Variants in MMP28 observed in about 807,000 individuals in gnomAD.
MMP28 encodes the protein matrix metalloproteinase-28.
In MMP28, 55 loss-of-function variants were observed where a neutral mutation model predicts 60.5. That is an observed-to-expected ratio of 0.91 (90% CI 0.73 to 1.14). MMP28 has a LOEUF of 1.14. Among genes scored for constraint, MMP28 ranks in the 50% most tolerant of loss-of-function variants. MMP28 has a pLI of 0.00. For synonymous variants in MMP28, 318 were observed against 312.5 expected, an observed-to-expected ratio of 1.02 and a Z score of -0.18; for missense variants, 686 against 738.3, an observed-to-expected ratio of 0.93 and a Z score of 0.82.
At chr17:35,774,074 T>C (rs1310730433) in intron 3 of MMP28, among the ~76,000 whole-genome samples, 3 of 152,168 alleles carry the variant, frequency 2.0e-5, no homozygotes, top group African/African-American at 7.2e-5. Context: ...GAACAAAGCG[T>C]GTGTTTTGTC....
At position 35,766,575 on chromosome 17, in the gene MMP28, G is replaced by A; in HGVS notation, c.1488C>T (p.Thr496=). ...WRLDQAKLQA[T]TSGRWATELP... ...GCTCGGTGGCCCAGCGGCCCGAGGT[G>A]GTTGCCTGCAGTTTGGCCTGGTCGA... Residue 496 remains threonine, a synonymous_variant, in exon 8 of 8, where the codon ACC becomes ACT. Transcript: ENST00000605424. This position sits in a 1 kb window ranked among gnomAD's most constrained non-coding sequence, Gnocchi z 4.3. The A allele has an allele frequency of 6.2e-7, 1 of 1,612,030 alleles. No homozygotes were observed. Among genetic ancestry groups the A allele is most frequent in the Non-Finnish European group, 8.5e-7 (1 of 1,179,600 alleles).
intron 3 of MMP28, among the ~76,000 whole-genome samples, chr17:35,774,658 T>C (rs1555607106): frequency 6.6e-6 from 1 of 152,052 alleles, no homozygotes; most frequent in South Asian, 2.1e-4. Flanking sequence ...GTACATCCCT[T>C]CTCCCACCCC....
At chr17:35,773,672 G>C (rs1052742881) in intron 3 of MMP28, among the ~76,000 whole-genome samples, 3 of 152,208 alleles carry the variant, frequency 2.0e-5, no homozygotes, top group African/African-American at 4.8e-5. Context: ...GTGTTGGAGG[G>C]GAAGCAGCCT....
chr17:35,774,833 A>C (rs2086277302), intron 3 of MMP28, among the ~76,000 whole-genome samples: 1 of 152,234 alleles, frequency 6.6e-6, no homozygotes. Context: ...CCTGGGGTCC[A>C]GAGGTGCGGC....
intron 7 of MMP28, 138 bp downstream of exon 7, chr17:35,767,614 G>T: frequency 9.7e-7 from 1 of 1,033,762 alleles, no homozygotes; most frequent in Non-Finnish European, 1.4e-6. Flanking sequence ...CTTCCCTGGG[G>T]TCACAGGTTC....
At chr17:35,760,909 G>C, downstream of MMP28, 1 of 1,613,216 alleles carries the variant, frequency 6.2e-7, no homozygotes. Context: ...CCCAGTCTCT[G>C]ATCAGGGAAA....
In MMP28 at chr17:35,770,056, CG is replaced by C; in HGVS notation, c.850+10del. 6.5e-7 allele frequency: 1 copy of C among 1,545,360 alleles called. No individual in the cohort carries two copies. Among genetic ancestry groups the C allele is most frequent in the Non-Finnish European group, 8.7e-7 (1 of 1,145,936 alleles). On this transcript the variant is annotated intron_variant, in intron 5 of 7. Transcript: ENST00000605424. ...GTGGGACCAAGAGCGGGGCATGTCC[CG>C]GGGCCTCACCATACAGGCTCTGCAC...
intron 7 of MMP28, 27 bp downstream of exon 7, chr17:35,767,725 T>G (rs934697723): frequency 1.3e-6 from 2 of 1,550,824 alleles, no homozygotes; most frequent in African/African-American, 1.4e-5. Context: ...TAGGGCTCAG[T>G]TTTCCCCGCT....
At chr17:35,778,854 A>G (rs769951534) in intron 3 of MMP28, 34 bp downstream of exon 3, 1 of 1,614,050 alleles carries the variant, frequency 6.2e-7, no homozygotes, top group South Asian at 1.1e-5. Context: ...GACATTGGGA[A>G]ATCTTGGCCT....
chr17:35,792,963 G>A (rs1458863265), intron 1 of MMP28, among the ~76,000 whole-genome samples: 5 of 152,122 alleles, frequency 3.3e-5, no homozygotes, highest in Admixed American at 6.5e-5. Flanking sequence ...CATGGTTTAC[G>A]TATGGGTTTG....
chr17:35,771,580 C>G (rs1568150207), intron 4 of MMP28, among the ~76,000 whole-genome samples: 1 of 148,556 alleles, frequency 6.7e-6, no homozygotes, highest in African/African-American at 2.5e-5. Flanking sequence ...TCAGGCTAAA[C>G]TTGAGATGGT....
Position 35,766,341 on chromosome 17 carries a change from T to G in MMP28, c.*159A>C, listed in dbSNP as rs2085936614. 3 of 1,415,958 alleles carry G rather than the reference T, an allele frequency of 2.1e-6. No homozygotes were observed. The East Asian group carries it at 7.6e-5, about 36-fold the overall frequency. The allele number at this position is 1,415,958 out of a possible 1,614,324, so 87.7% of individuals were successfully genotyped here. On this transcript the variant is annotated 3_prime_UTR_variant, in exon 8 of 8. Coordinates refer to ENST00000605424, the MANE Select transcript of MMP28 (RefSeq NM_024302.5). This position sits in a 1 kb window ranked among gnomAD's most constrained non-coding sequence, Gnocchi z 4.3. ...GGGACAGACAAAGACAATGCTGCAT[T>G]CTTCAAGGAACAAAGGCAGACAGAC... is the stretch of plus-strand genomic sequence containing the variant.
At position 35,774,599 on chromosome 17, in the gene MMP28, A is replaced by G. The variant is rs184856393; in HGVS notation, c.380-1195T>C. 2.0e-5 allele frequency among the ~76,000 whole-genome samples: 3 copies of G among 152,254 alleles called. No homozygotes were observed. The East Asian group carries it at 5.8e-4, about 29-fold the overall frequency. Reference sequence around the variant, plus strand: ...CCAGATGTAAGGGAGGGTCTTGGAGAGCAGAGGAGCTGGACTCTCTTCTCC... The same window carrying G: ...CCAGATGTAAGGGAGGGTCTTGGAGGGCAGAGGAGCTGGACTCTCTTCTCC... On this transcript the variant is annotated intron_variant, in intron 3 of 7. Transcript: ENST00000605424.
rs1555606469 is a variant in MMP28 at position 35,773,303 on chromosome 17, A to G, written c.481T>C (p.Leu161=). 5 of 1,613,876 alleles carry G rather than the reference A, an allele frequency of 3.1e-6. No homozygotes were observed. The South Asian group carries it at 4.4e-5, about 14-fold the overall frequency. ...VRGAVRAAFQ[L]WSNVSALEFW... ...TCCAGCGCTGAGACGTTGCTCCACA[A>G]CTGGAAGGCGGCGCGCACGGCGCCC... Residue 161 remains leucine (L), a synonymous_variant, in exon 4 of 8, where the codon TTG becomes CTG. Coordinates refer to ENST00000605424, the MANE Select transcript of MMP28 (RefSeq NM_024302.5).
chr17:35,795,410 G>A lies in MMP28; in HGVS notation c.-33C>T, dbSNP rs533668879. The A allele has an allele frequency of 1.2e-5, 16 of 1,366,774 alleles. No homozygotes were observed. Among genetic ancestry groups the A allele is most frequent in the Middle Eastern group, 2.6e-4 (1 of 3,864 alleles). The allele number at this position is 1,366,774 out of a possible 1,614,324, so 84.7% of individuals were successfully genotyped here. A position where few individuals can be genotyped will look rare whatever the true frequency, so the allele number is the denominator to read the frequency against. On this transcript the variant is annotated 5_prime_UTR_variant, in exon 1 of 8. Coordinates refer to ENST00000605424, the MANE Select transcript of MMP28 (RefSeq NM_024302.5). ...CCTCCGGTGCAGCCCGGCTCGGGGA[G>A]CTACTGCGCGCAGGGAACCAGCCGG...
In MMP28 at chr17:35,781,910, G is replaced by T. The variant is rs1033495831; in HGVS notation, c.112-2587C>A. ...GGGTCTCACTATGTTGCCCTGGCTG[G>T]AGTGCAGTGGCTATTCACTGGCATG... On this transcript the variant is annotated intron_variant, in intron 1 of 7. Coordinates refer to ENST00000605424, the MANE Select transcript of MMP28 (RefSeq NM_024302.5). Among the ~76,000 whole-genome samples the T allele has an allele frequency of 3.3e-5, 5 of 151,766 alleles. 1 individual carries two copies. The highest frequency in any genetic ancestry group is 1.2e-4 in the African/African-American group (5 of 41,262).
rs146307755 is a variant in MMP28 at position 35,766,564 on chromosome 17, C to T, written c.1499G>A (p.Arg500His). The T allele has an allele frequency of 1.4e-5, 23 of 1,610,582 alleles. No individual in the cohort carries two copies. Among genetic ancestry groups the T allele is most frequent in the East Asian group, 1.3e-4 (6 of 44,792 alleles). Residue 500 changes from arginine (R) to histidine (H), a missense_variant, in exon 8 of 8, where the codon CGC becomes CAC. By Grantham distance (29) the Arg-to-His change is conservative (BLOSUM62 0). Transcript: ENST00000605424. The surrounding 1 kb of genome is among the most constrained non-coding windows in gnomAD (Gnocchi z 4.3). Reference protein sequence around the residue: ...QAKLQATTSGRWATELPWMGC... With the variant: ...QAKLQATTSGHWATELPWMGC... ...CATCCAGGGCAGCTCGGTGGCCCAG[C>T]GGCCCGAGGTGGTTGCCTGCAGTTT...
intron 2 of MMP28, among the ~76,000 whole-genome samples, chr17:35,758,721 A>ATAAAG (rs2085768130): frequency 6.6e-6 from 1 of 152,154 alleles, no homozygotes; most frequent in African/African-American, 2.4e-5. Flanking sequence ...ATAAAATAAA[A>ATAAAG]TAATAAAATA....
At position 35,773,317 on chromosome 17, in the gene MMP28, C is replaced by T. The variant is rs760841295; in HGVS notation, c.467G>A (p.Arg156His). The change falls in exon 4 of 8, where the codon CGC becomes CAC. Residue 156 changes from arginine to histidine, a missense_variant. Coordinates refer to ENST00000605424, the MANE Select transcript of MMP28 (RefSeq NM_024302.5). ...GTTGCTCCACAACTGGAAGGCGGCG[C>T]GCACGGCGCCCCGAACTGCCGGCTC... ...LPEPAVRGAVRAAFQLWSNVS... is the reference protein window; with the variant it reads ...LPEPAVRGAVHAAFQLWSNVS... The T allele has an allele frequency of 7.4e-6, 12 of 1,613,316 alleles. No individual in the cohort carries two copies. Among genetic ancestry groups the T allele is most frequent in the Non-Finnish European group, 9.3e-6 (11 of 1,179,716 alleles).
Sources: allele counts gnomAD v4.1 joint callset (sites outside exome capture counted in the v4.1 genomes callset), GRCh38; gene constraint gnomAD v4.1.1; non-coding constraint Gnocchi (gnomAD v3.1); transcripts MANE v1.5; gene names NCBI Gene and HGNC (gene_info 2026-07-23, HGNC 2026-07-21).